Variants in TBXAS1 observed in about 807,000 individuals in gnomAD.
The protein encoded by TBXAS1 is thromboxane A synthase 1.
A neutral mutation model predicts 60.7 loss-of-function variants in TBXAS1; 48 were observed. The ratio of observed to expected loss-of-function variants is 0.79; its 90% CI spans 0.63 to 1.01. TBXAS1 has a LOEUF of 1.01. TBXAS1 is among the 50% of genes least tolerant of loss of function. TBXAS1 has a pLI of 0.00. For synonymous variants in TBXAS1, 287 were observed against 269.7 expected (o/e 1.06, Z -0.63); for missense variants, 685 against 686.3 (o/e 1.00, Z 0.02).
intron 9 of TBXAS1, among the ~76,000 whole-genome samples, chr7:139,986,825 GTTTC>G (rs1273026505): frequency 7.0e-5 from 9 of 129,442 alleles, no homozygotes; most frequent in Non-Finnish European, 9.5e-5. Flanking sequence ...ATACACCATA[GTTTC>G]TTTATCCACT....
At chr7:139,928,231 C>G (rs1807044628) in intron 4 of TBXAS1, among the ~76,000 whole-genome samples, 1 of 152,174 alleles carries the variant, frequency 6.6e-6, no homozygotes, top group African/African-American at 2.4e-5. Context: ...TCTTCTGCAT[C>G]TCTTGAGATT....
rs1366301157 is a variant in TBXAS1, at chr7:139,778,551, A to G, written c.-318+80A>G. 6.6e-6 allele frequency: 1 copy of G among 152,254 alleles called. No individual in the cohort carries two copies. The highest frequency in any genetic ancestry group is 1.5e-5 in the Non-Finnish European group (1 of 68,108). The allele number at this position is 152,254 out of a possible 1,614,324, so 9.4% of individuals were successfully genotyped here. A position where few individuals can be genotyped will look rare whatever the true frequency, so the allele number is the denominator to read the frequency against. On this transcript the variant is annotated intron_variant, in intron 1 of 16. Transcript: ENST00000336425. This position sits in a 1 kb window ranked among gnomAD's most constrained non-coding sequence, Gnocchi z 4.8. ...GGCGGGTGAGTGGAGGAGCTTCGGA[A>G]AGCCACACGAGGTCAGAGGCACCGA...
chr7:140,017,641 T>TG (rs1569525555), intron 11 of TBXAS1, 30 bp from the exon 12 acceptor site: 1 of 1,610,542 alleles, frequency 6.2e-7, no homozygotes, highest in Non-Finnish European at 8.5e-7. Context: ...GCGGGTGTTC[T>TG]GGGCCAGCCC....
chr7:139,894,420 G>A (rs1283350882), intron 3 of TBXAS1, among the ~76,000 whole-genome samples: 2 of 152,112 alleles, frequency 1.3e-5, no homozygotes, highest in African/African-American at 4.8e-5. Flanking sequence ...TCGTGTGACT[G>A]GAGCCCTCAT....
chr7:139,872,249 C>T lies in TBXAS1; in HGVS notation c.104C>T (p.Ala35Val), dbSNP rs778130039. The T allele has an allele frequency of 6.2e-7, 1 of 1,614,034 alleles. No individual in the cohort carries two copies. Among genetic ancestry groups the T allele is most frequent in the Non-Finnish European group, 8.5e-7 (1 of 1,179,892 alleles). The change falls in exon 2 of 13, where the codon GCA (alanine) becomes GTA (valine). Residue 35 changes from alanine to valine, a missense_variant. Coordinates refer to ENST00000448866, the MANE Select transcript of TBXAS1 (RefSeq NM_001061.7). ...TTTCCCTCCAGGTACTCCACATCAG[C>T]ATTCTCAAGACTGGAGAAGTTAGGC... ...LALLKWYSTS[A>V]FSRLEKLGLR... is the part of the protein sequence containing the mutation.
intron 5 of TBXAS1, among the ~76,000 whole-genome samples, chr7:139,950,037 ATTTTTTT>A (rs3082651): frequency 7.7e-5 from 8 of 103,552 alleles, no homozygotes; most frequent in African/African-American, 7.6e-5. Context: ...AGGTGATGGG[ATTTTTTT>A]TTTTTTTTTT....
At chr7:139,810,276 A>C (rs187764711) in intron 4 of TBXAS1, among the ~76,000 whole-genome samples, 26 of 152,178 alleles carry the variant, frequency 1.7e-4, no homozygotes, top group Admixed American at 1.1e-3. Flanking sequence ...AGCTCAAAAC[A>C]ATCCTCCCAC....
rs554763751 is a variant in TBXAS1 at position 139,871,257 on chromosome 7, G to C, written c.90-978G>C. Among the ~76,000 whole-genome samples, 102 of 152,302 alleles carry C rather than the reference G, an allele frequency of 6.7e-4. 1 individual carries two copies. Among genetic ancestry groups the C allele is most frequent in the African/African-American group, 2.3e-3 (95 of 41,558 alleles). On this transcript the variant is annotated intron_variant, in intron 1 of 12. Transcript: ENST00000448866. Reference sequence around the variant, plus strand: ...GTGATTCTTATAGCAGTAATAGTTTGAGTTTCAATACACACAGAAAGCTAG... The same window carrying C: ...GTGATTCTTATAGCAGTAATAGTTTCAGTTTCAATACACACAGAAAGCTAG...
At chr7:139,980,742 G>C (rs1584998151) in intron 9 of TBXAS1, among the ~76,000 whole-genome samples, 1 of 151,630 alleles carries the variant, frequency 6.6e-6, no homozygotes, top group South Asian at 2.1e-4. Context: ...TTCCCCCCCT[G>C]TCATTTCTGC....
chr7:140,005,224 T>C (rs1420071266), intron 9 of TBXAS1, among the ~76,000 whole-genome samples: 2 of 152,150 alleles, frequency 1.3e-5, no homozygotes, highest in East Asian at 3.9e-4. Context: ...AGGTCAGAAG[T>C]TGGAGACCAA....
intron 4 of TBXAS1, among the ~76,000 whole-genome samples, chr7:139,799,876 G>A (rs1333429152): frequency 6.6e-6 from 1 of 152,112 alleles, no homozygotes; most frequent in African/African-American, 2.4e-5. Context: ...CAGTAGGCCT[G>A]GCCCTACCCC....
chr7:139,913,032 C>T (rs1805660891), intron 4 of TBXAS1: 1 of 686,128 alleles, frequency 1.5e-6, no homozygotes, highest in Non-Finnish European at 2.7e-6. Context: ...GAGTAATTGG[C>T]CACTCACCCA....
chr7:139,817,857 A>G (rs1403894728), intron 4 of TBXAS1, among the ~76,000 whole-genome samples: 1 of 152,232 alleles, frequency 6.6e-6, no homozygotes, highest in Non-Finnish European at 1.5e-5. Context: ...GGATTATGGA[A>G]ACAAACCTTA....
chr7:139,976,775 G>C (rs11772680), intron 9 of TBXAS1, among the ~76,000 whole-genome samples: 11,458 of 152,206 alleles, frequency 0.075, 573 homozygotes, highest in Non-Finnish European at 0.11. Flanking sequence ...GAGGAAGAAC[G>C]TTGCCAGAAT....
Position 139,936,385 on chromosome 7 carries a change from A to G in TBXAS1, c.450+78A>G, listed in dbSNP as rs932033189. ...TCCAAATCGTGATGAGAGCCAGTTC[A>G]TGTTGCATCACTTGCCCAGGTGACA... On this transcript the variant is annotated intron_variant, in intron 5 of 12. Coordinates refer to ENST00000448866, the MANE Select transcript of TBXAS1 (RefSeq NM_001061.7). The G allele has an allele frequency of 4.3e-6, 6 of 1,400,040 alleles. No individual in the cohort carries two copies. The African/African-American group carries it at 8.5e-5, about 20-fold the overall frequency. 86.7% of individuals were successfully genotyped at this position (1,400,040 alleles called of 1,614,324 possible). A position where few individuals can be genotyped will look rare whatever the true frequency, so the allele number is the denominator to read the frequency against.
intron 3 of TBXAS1, among the ~76,000 whole-genome samples, chr7:139,898,564 T>A (rs1352633263): frequency 1.3e-5 from 2 of 151,954 alleles, no homozygotes; most frequent in Non-Finnish European, 2.9e-5. Context: ...TGACCTCAGG[T>A]GATCCGCAAG....
intron 9 of TBXAS1, among the ~76,000 whole-genome samples, chr7:139,990,615 G>A (rs1812817706): frequency 6.6e-6 from 1 of 151,916 alleles, no homozygotes; most frequent in Admixed American, 6.6e-5. Context: ...CCTGGAGCCC[G>A]CAGGGTCCAG....
chr7:139,883,488 G>A (rs965365893), intron 3 of TBXAS1, among the ~76,000 whole-genome samples: 10 of 152,106 alleles, frequency 6.6e-5, no homozygotes, highest in Admixed American at 5.2e-4. Context: ...AATGACTACT[G>A]CTATCTAAGT....
chr7:139,781,005 G>A (rs542126076), intron 2 of TBXAS1, among the ~76,000 whole-genome samples: 12 of 152,286 alleles, frequency 7.9e-5, no homozygotes, highest in African/African-American at 2.2e-4. Context: ...TGTGTCAACC[G>A]AAAACATTTT....
Sources: gnomAD v4.1 joint callset for allele counts (sites outside exome capture counted in the v4.1 genomes callset) on GRCh38, gnomAD v4.1.1 for gene constraint, Gnocchi (gnomAD v3.1) non-coding constraint, MANE v1.5 for transcripts, NCBI Gene and HGNC (gene_info 2026-07-23, HGNC 2026-07-21) for gene names.